The following COG5 variants were observed in gnomAD, a reference collection of about 807,000 sequenced individuals.
COG5 encodes the protein conserved oligomeric Golgi complex subunit 5.
Under a neutral mutation model 110.4 loss-of-function variants are expected in COG5, and 86 were observed. The observed-to-expected ratio is 0.78, with a 90% confidence interval of 0.65 to 0.93. COG5 has a LOEUF of 0.93. COG5 is among the 40% of genes least tolerant of loss of function. The probability of loss-of-function intolerance (pLI) is 0.00; values close to 1 mark genes in which losing one functional copy is unlikely to be tolerated. For missense variants in COG5, 1,077 were observed against 987.0 expected (o/e 1.09, Z -1.22); for synonymous variants, 360 against 334.6 (o/e 1.08, Z -0.83).
At chr7:107,419,495 G>C (rs1011531233) in intron 6 of COG5, among the ~76,000 whole-genome samples, 1 of 151,112 alleles carries the variant, frequency 6.6e-6, no homozygotes, top group African/African-American at 2.4e-5. Flanking sequence ...AAGAAAAAGA[G>C]AATGGAGGAG....
At chr7:107,444,030 T>C (rs79434899) in intron 6 of COG5, among the ~76,000 whole-genome samples, 3 of 152,178 alleles carry the variant, frequency 2.0e-5, no homozygotes, top group Non-Finnish European at 2.9e-5. Flanking sequence ...ATAATCCTAA[T>C]GGACTGACAG....
At chr7:107,375,632 G>C (rs1196342491) in intron 7 of COG5, among the ~76,000 whole-genome samples, 1 of 151,804 alleles carries the variant, frequency 6.6e-6, no homozygotes, top group African/African-American at 2.4e-5. Flanking sequence ...TACCCATTTG[G>C]ATATCTTCTT....
At chr7:107,225,714 T>C (rs1464636047) in intron 19 of COG5, among the ~76,000 whole-genome samples, 1 of 152,150 alleles carries the variant, frequency 6.6e-6, no homozygotes, top group African/African-American at 2.4e-5. Flanking sequence ...AGTTTTGCCA[T>C]GTTGCTGAGG....
intron 6 of COG5, chr7:107,471,748 G>A (rs1477554623): frequency 1.3e-5 from 2 of 151,964 alleles, no homozygotes; most frequent in East Asian, 3.8e-4. Flanking sequence ...ACAAAAGGAA[G>A]ATTTAGGAAG....
chr7:107,426,338 C>T (rs147130131), intron 6 of COG5, among the ~76,000 whole-genome samples: 1 of 152,166 alleles, frequency 6.6e-6, no homozygotes, highest in East Asian at 1.9e-4. Flanking sequence ...ATTAACTTGC[C>T]CAAGTTCATA....
At chr7:107,350,686 G>A (rs920769296) in intron 10 of COG5, among the ~76,000 whole-genome samples, 1 of 152,132 alleles carries the variant, frequency 6.6e-6, no homozygotes, top group African/African-American at 2.4e-5. Flanking sequence ...TTCCTCTACA[G>A]AGGAACTGCA....
intron 7 of COG5, among the ~76,000 whole-genome samples, chr7:107,391,041 G>A (rs1274992954): frequency 6.6e-6 from 1 of 152,030 alleles, no homozygotes; most frequent in East Asian, 1.9e-4. Flanking sequence ...TTACTCATGT[G>A]GTCCTAAGAC....
chr7:107,552,041 A>G (rs1250646138), intron 3 of COG5, among the ~76,000 whole-genome samples: 1 of 152,252 alleles, frequency 6.6e-6, no homozygotes, highest in Non-Finnish European at 1.5e-5. Context: ...TCAGTCTAGC[A>G]GTGTATTTCA....
intron 6 of COG5, among the ~76,000 whole-genome samples, chr7:107,448,671 T>C (rs543165947): frequency 3.4e-4 from 52 of 152,316 alleles, no homozygotes; most frequent in Admixed American, 2.0e-3. Context: ...CTTGGATGTC[T>C]AATAAGCACC....
chr7:107,224,396 C>A (rs923278435), intron 19 of COG5, among the ~76,000 whole-genome samples: 3 of 152,174 alleles, frequency 2.0e-5, no homozygotes, highest in Non-Finnish European at 4.4e-5. Flanking sequence ...TGACAGTTTT[C>A]TTCTTCCACT....
At chr7:107,465,761 T>C (rs1048604903) in intron 6 of COG5, among the ~76,000 whole-genome samples, 10 of 152,198 alleles carry the variant, frequency 6.6e-5, no homozygotes, top group Admixed American at 4.6e-4. Context: ...ACTGAGTTTA[T>C]AGTAGAACTA....
At chr7:107,500,997 A>C (rs1181810605) in intron 6 of COG5, among the ~76,000 whole-genome samples, 1 of 152,092 alleles carries the variant, frequency 6.6e-6, no homozygotes, top group African/African-American at 2.4e-5. Flanking sequence ...ACTAATAAAA[A>C]CTGTTTCACA....
At chr7:107,501,058 AAGT>A (rs945123145) in intron 6 of COG5, among the ~76,000 whole-genome samples, 4 of 152,216 alleles carry the variant, frequency 2.6e-5, no homozygotes, top group East Asian at 1.9e-4. Flanking sequence ...TGGCAATGAA[AAGT>A]AGAACAACCC....
intron 6 of COG5, among the ~76,000 whole-genome samples, chr7:107,507,460 AT>A (rs1584909015): frequency 1.5e-5 from 2 of 129,230 alleles, no homozygotes; most frequent in African/African-American, 6.2e-5. Context: ...TGCCCAGCTA[AT>A]TTTTTGTATT....
chr7:107,543,051 A>G (rs1467988674), intron 5 of COG5, among the ~76,000 whole-genome samples: 1 of 152,166 alleles, frequency 6.6e-6, no homozygotes, highest in African/African-American at 2.4e-5. Flanking sequence ...GTATTAAAGC[A>G]TAATTTTTAG....
At chr7:107,533,056 A>G (rs2129161967) in intron 5 of COG5, among the ~76,000 whole-genome samples, 1 of 152,000 alleles carries the variant, frequency 6.6e-6, no homozygotes, top group East Asian at 1.9e-4. Context: ...GACCCGCAGC[A>G]AACTCCAGCA....
chr7:107,293,095 A>G (rs762245228), intron 12 of COG5, among the ~76,000 whole-genome samples: 1 of 152,150 alleles, frequency 6.6e-6, no homozygotes, highest in African/African-American at 2.4e-5. Flanking sequence ...CTAGGAAGTG[A>G]GCACTTGGTG....
At chr7:107,365,063 A>C (rs1484176000) in intron 8 of COG5, among the ~76,000 whole-genome samples, 1 of 152,088 alleles carries the variant, frequency 6.6e-6, no homozygotes, top group Non-Finnish European at 1.5e-5. Context: ...AAATTCCTGG[A>C]ATATGTATGA....
rs1379381673 is a variant in COG5, at chr7:107,251,463, TTTTG to T, written c.1750-2968_1750-2965del. On this transcript the variant is annotated intron_variant, in intron 16 of 21. Coordinates refer to ENST00000297135, the MANE Select transcript of COG5 (RefSeq NM_006348.5). Reference sequence around the variant, plus strand: ...TGCTCTGCCTATGAAGTATCCATTCTTTTGTTTCTTTTCTTAATAAACTTGCTTT... The same window carrying T: ...TGCTCTGCCTATGAAGTATCCATTCTTTTCTTTTCTTAATAAACTTGCTTT... Among the ~76,000 whole-genome samples, 4 of 152,162 alleles carry T rather than the reference TTTTG, an allele frequency of 2.6e-5. No individual in the cohort carries two copies. In the South Asian group the frequency reaches 8.3e-4, roughly 31 times the overall value.
Sources: allele counts gnomAD v4.1 joint callset (sites outside exome capture counted in the v4.1 genomes callset), GRCh38; gene constraint gnomAD v4.1.1; transcripts MANE v1.5; gene names NCBI Gene and HGNC (gene_info 2026-07-23, HGNC 2026-07-21).